MROH7: variants seen among roughly 807,000 people sequenced by gnomAD.
MROH7 encodes the protein maestro heat-like repeat-containing protein family member 7.
MROH7 carries 113 observed loss-of-function variants against 129.2 expected under a neutral mutation model. The observed-to-expected ratio is 0.87, with a 90% confidence interval of 0.75 to 1.02. MROH7 has a LOEUF of 1.02. MROH7 is among the 50% of genes least tolerant of loss of function. The pLI is 0.00. For missense variants in MROH7, 1,601 were observed against 1,671.3 expected (o/e 0.96, Z 0.73); for synonymous variants, 655 against 667.9 (o/e 0.98, Z 0.30).
intron 15 of MROH7, among the ~76,000 whole-genome samples, chr1:54,691,847 CCT>C (rs1468227730): frequency 7.5e-6 from 1 of 134,114 alleles, no homozygotes; most frequent in African/African-American, 3.0e-5. Flanking sequence ...TATCTAGAAA[CCT>C]CTGTCTGATC....
intron 17 of MROH7, chr1:54,699,191 T>TTCTTTC (rs1645390049): frequency 9.0e-6 from 1 of 110,646 alleles, no homozygotes. Flanking sequence ...TTCTTTCTCT[T>TTCTTTC]TCTTTCTTTC....
At position 54,670,523 on chromosome 1, in the gene MROH7, TTC is replaced by T; in HGVS notation, c.1423_1424del (p.Ser475LysfsTer55). On this transcript the variant is annotated frameshift_variant, in exon 6 of 24. Coordinates refer to ENST00000421030, the MANE Select transcript of MROH7 (RefSeq NM_001039464.4). LOFTEE classifies it high-confidence loss of function. ...MRQIQEEPLD[S>X]LSSSVRKQAM... ...GGCAGATCCAGGAGGAGCCACTGGA[TTC>T]TCTCTCAAGCTCCGTCCGCAAGCAG... The T allele has an allele frequency of 3.7e-6, 6 of 1,613,800 alleles. No individual in the cohort carries two copies. The highest frequency in any genetic ancestry group is 5.1e-6 in the Non-Finnish European group (6 of 1,179,908).
intron 13 of MROH7, among the ~76,000 whole-genome samples, chr1:54,682,316 C>T (rs370575106): frequency 6.6e-6 from 1 of 151,946 alleles, no homozygotes; most frequent in Admixed American, 6.6e-5. Flanking sequence ...AGGCATGCAC[C>T]ACCATGCCCA....
rs369663975 is a variant in MROH7 at position 54,690,204 on chromosome 1, T to A, written c.2712-2220T>A. 2.0e-5 allele frequency among the ~76,000 whole-genome samples: 3 copies of A among 152,180 alleles called. No individual in the cohort carries two copies. The East Asian group carries it at 5.8e-4, about 29-fold the overall frequency. ...CTCCTCCCAAAAGTTTCAACTCTAT[T>A]TTTTCACGAAGCAGCACGGGCGCCA... On this transcript the variant is annotated intron_variant, in intron 15 of 23. Coordinates refer to ENST00000421030, the MANE Select transcript of MROH7 (RefSeq NM_001039464.4).
chr1:54,655,258 G>A (rs1015400360), intron 3 of MROH7, among the ~76,000 whole-genome samples: 407 of 151,128 alleles, frequency 2.7e-3, no homozygotes, highest in African/African-American at 9.3e-3. Context: ...CAGGTGATCC[G>A]CCTGCCTCAG....
rs1272565403 is a variant in MROH7, at chr1:54,700,431, C to G, written c.3075C>G (p.Gly1025=). Residue 1025 remains glycine, a synonymous_variant, in exon 18 of 24, where the codon GGC becomes GGG. Coordinates refer to ENST00000421030, the MANE Select transcript of MROH7 (RefSeq NM_001039464.4). The part of the protein sequence containing the change: ...DPIMKVLSIR[G]LVILARRSEK... Reference sequence around the variant, plus strand: ...TCATGAAGGTGCTGTCCATTCGAGGCCTGGTCATCCTGGCCCGCAGGTCTG... The same window carrying G: ...TCATGAAGGTGCTGTCCATTCGAGGGCTGGTCATCCTGGCCCGCAGGTCTG... The G allele has an allele frequency of 1.2e-6, 2 of 1,606,676 alleles. No individual in the cohort carries two copies. Among genetic ancestry groups the G allele is most frequent in the Non-Finnish European group, 1.7e-6 (2 of 1,175,728 alleles).
intron 19 of MROH7, 85 bp downstream of exon 19, chr1:54,701,407 C>A: frequency 8.2e-7 from 1 of 1,222,828 alleles, no homozygotes; most frequent in Non-Finnish European, 1.1e-6. Flanking sequence ...CACCTGTGCC[C>A]CCATCAGGAC....
chr1:54,643,257 G>A (rs111389324), intron 1 of MROH7, among the ~76,000 whole-genome samples: 66 of 152,326 alleles, frequency 4.3e-4, no homozygotes, highest in African/African-American at 1.5e-3. Flanking sequence ...TGTCTGAAAT[G>A]TGACTAGACT....
rs769570483 is a variant in MROH7 at position 54,703,596 on chromosome 1, C to T, written c.3564+851C>T. Among the ~76,000 whole-genome samples, 1 of 151,914 alleles carries T rather than the reference C, an allele frequency of 6.6e-6. No individual in the cohort carries two copies. Among genetic ancestry groups the T allele is most frequent in the Non-Finnish European group, 1.5e-5 (1 of 67,980 alleles). ...CACAGAGCTTCCTTTCTCGGTGATA[C>T]CTGTGAACATCATGAGGTAGGAGCA... On this transcript the variant is annotated intron_variant, in intron 21 of 23. Coordinates refer to ENST00000421030, the MANE Select transcript of MROH7 (RefSeq NM_001039464.4). This position sits in a 1 kb window ranked among gnomAD's most constrained non-coding sequence, Gnocchi z 4.4.
At chr1:54,695,940 G>T in intron 17 of MROH7, 1 of 298,082 alleles carries the variant, frequency 3.4e-6, no homozygotes, top group South Asian at 3.1e-5. Context: ...AGGGAGGGAG[G>T]GCTTCCTGGA....
At chr1:54,696,751 A>C (rs1158251790) in intron 17 of MROH7, among the ~76,000 whole-genome samples, 1 of 140,144 alleles carries the variant, frequency 7.1e-6, no homozygotes, top group Non-Finnish European at 1.5e-5. Context: ...GGCTCACTGC[A>C]AATTCCGCCT....
At position 54,699,206 on chromosome 1, in the gene MROH7, T is replaced by A. The variant is rs1645390969; in HGVS notation, c.2965-1115T>A. ...TTCTTTCTCTTTCTTTCTTTCTTTC[T>A]CTCCCTCTCTTTCTTTCTCCTTTCT... On this transcript the variant is annotated intron_variant, in intron 17 of 23. Transcript: ENST00000421030. The A allele has an allele frequency of 1.4e-5, 2 of 138,662 alleles. 1 individual carries two copies. The highest frequency in any genetic ancestry group is 1.4e-4 in the Admixed American group (2 of 14,072). 8.6% of individuals were successfully genotyped at this position (138,662 alleles called of 1,614,324 possible).
chr1:54,681,341 A>G (rs1426735028), intron 13 of MROH7, among the ~76,000 whole-genome samples: 1 of 152,196 alleles, frequency 6.6e-6, no homozygotes, highest in Non-Finnish European at 1.5e-5. Context: ...CACAGGCCTC[A>G]CAGAGACCAG....
At chr1:54,669,047 G>C in intron 5 of MROH7, 110 bp downstream of exon 5, 2 of 728,438 alleles carry the variant, frequency 2.7e-6, no homozygotes, top group Non-Finnish European at 4.7e-6. Flanking sequence ...GGAAGAGGAC[G>C]GGATGAGGAG....
intron 17 of MROH7, chr1:54,695,853 C>T: frequency 2.9e-6 from 1 of 347,090 alleles, no homozygotes; most frequent in South Asian, 2.2e-5. Context: ...GGGGGTGATA[C>T]CAGTGAGTGA....
chr1:54,664,285 A>G (rs572853479), intron 3 of MROH7, among the ~76,000 whole-genome samples: 4 of 152,256 alleles, frequency 2.6e-5, no homozygotes, highest in Non-Finnish European at 4.4e-5. Context: ...GATGCCTCTC[A>G]TAACAAGTAG....
intron 7 of MROH7, among the ~76,000 whole-genome samples, chr1:54,672,154 T>TG (rs1409986251): frequency 5.9e-5 from 9 of 151,854 alleles, no homozygotes; most frequent in Non-Finnish European, 1.0e-4. Context: ...ACTGGGGTTG[T>TG]GGGGGTGACT....
chr1:54,656,221 T>C (rs1644642678), intron 3 of MROH7, among the ~76,000 whole-genome samples: 1 of 151,466 alleles, frequency 6.6e-6, no homozygotes, highest in Non-Finnish European at 1.5e-5. Flanking sequence ...ATTGAAAAGT[T>C]TTTTTTTCGG....
Position 54,691,647 on chromosome 1 carries a change from A to T in MROH7, c.2712-777A>T, listed in dbSNP as rs147388702. 5.2e-3 allele frequency among the ~76,000 whole-genome samples: 793 copies of T among 152,230 alleles called. 7 individuals are homozygous for T. Among genetic ancestry groups the T allele is most frequent in the African/African-American group, 0.018 (740 of 41,540 alleles). ...ATGGAGAAACCCCGTCTCTACTAAA[A>T]ATACAAAAATTAGCCGGGTGTGGTG... On this transcript the variant is annotated intron_variant, in intron 15 of 23. Transcript: ENST00000421030.
Sources: gnomAD v4.1 joint callset for allele counts (sites outside exome capture counted in the v4.1 genomes callset) on GRCh38, gnomAD v4.1.1 for gene constraint, Gnocchi (gnomAD v3.1) non-coding constraint, MANE v1.5 for transcripts, NCBI Gene and HGNC (gene_info 2026-07-23, HGNC 2026-07-21) for gene names.